Variants in HNF4A observed in about 807,000 individuals in gnomAD.
HNF4A encodes the protein hepatocyte nuclear factor 4-alpha.
In HNF4A, 15 loss-of-function variants were observed where a neutral mutation model predicts 52.4. That is an observed-to-expected ratio of 0.29 (90% CI 0.19 to 0.44). HNF4A has a LOEUF of 0.44. Ranked by LOEUF, HNF4A falls within the 20% of genes least tolerant of loss-of-function variation. The pLI is 1.00. For synonymous variants in HNF4A, 280 were observed against 264.4 expected (o/e 1.06, Z -0.57); for missense variants, 479 against 647.2 (o/e 0.74, Z 2.82).
chr20:44,355,910 C>A, intron 1 of HNF4A, 57 bp downstream of exon 1: 2 of 1,411,112 alleles, frequency 1.4e-6, no homozygotes, highest in Non-Finnish European at 2.0e-6. Context: ...CTTTGGGAGG[C>A]CATGGGACAC....
At position 44,418,527 on chromosome 20, in the gene HNF4A, T is replaced by G; in HGVS notation, c.736+15T>G. 1 of 1,601,860 alleles carries G rather than the reference T, an allele frequency of 6.2e-7. No homozygotes were observed. The highest frequency in any genetic ancestry group is 8.5e-7 in the Non-Finnish European group (1 of 1,172,344). On this transcript the variant is annotated intron_variant, in intron 6 of 9. Transcript: ENST00000316099. ...GCTGCTCCTAGGTGAGGCGGCTGCC[T>G]GCCCTGGCCAGGGCTCCAGGGAGGG... is the stretch of plus-strand genomic sequence containing the variant.
intron 9 of HNF4A, 107 bp downstream of exon 9, chr20:44,428,594 C>T: frequency 8.8e-7 from 1 of 1,140,328 alleles, no homozygotes; most frequent in Non-Finnish European, 1.3e-6. Context: ...CAACAGTTTT[C>T]TGGGTTCCAG....
At chr20:44,362,418 T>TAAAA (rs36103037) in intron 1 of HNF4A, among the ~76,000 whole-genome samples, 1 of 104,176 alleles carries the variant, frequency 9.6e-6, no homozygotes, top group Non-Finnish European at 1.9e-5. Context: ...AAACTTGTCT[T>TAAAA]AAAAAAAAAA....
At chr20:44,424,674 G>A in intron 8 of HNF4A, 1 of 1,246,734 alleles carries the variant, frequency 8.0e-7, no homozygotes. Flanking sequence ...TCTTTAGATA[G>A]GGGAGGCCAC....
chr20:44,403,945 G>T (rs892718059), intron 1 of HNF4A, among the ~76,000 whole-genome samples: 1 of 152,250 alleles, frequency 6.6e-6, no homozygotes, highest in South Asian at 2.1e-4. Flanking sequence ...AGCTCTCCCC[G>T]GGGGTCGGGG....
rs202073574 is a variant in HNF4A at position 44,428,470 on chromosome 20, G to A, written c.1265G>A (p.Arg422Gln). ...AACGGACAGATGTGTGAGTGGCCCC[G>A]ACCCAGGGGACAGGCAGGTGGGCAA... is the stretch of plus-strand genomic sequence containing the variant. Residue 422 changes from arginine to glutamine, a missense_variant, in exon 9 of 10, where the codon CGA becomes CAA. By Grantham distance (43) the Arg-to-Gln change is conservative. Transcript: ENST00000316099. The A allele has an allele frequency of 4.8e-5, 78 of 1,614,070 alleles. No individual in the cohort carries two copies. Among genetic ancestry groups the A allele is most frequent in the Admixed American group, 1.7e-4 (10 of 60,010 alleles).
chr20:44,418,595 G>A lies in HNF4A; in HGVS notation c.736+83G>A. On this transcript the variant is annotated intron_variant, in intron 6 of 9. Transcript: ENST00000316099. ...TCACCCAGGCAAGGAGATTCACATG[G>A]TGGCATGCAAGGGTGAGGGAGACTA... 2.8e-6 allele frequency: 3 copies of A among 1,063,608 alleles called. No individual in the cohort carries two copies. In the East Asian group the frequency reaches 7.1e-5, roughly 25 times the overall value. The allele number at this position is 1,063,608 out of a possible 1,614,324, so 65.9% of individuals were successfully genotyped here.
rs931536968 is a variant in HNF4A, at chr20:44,430,254, A to G, written c.*589A>G. The G allele has an allele frequency of 6.5e-6, 1 of 154,088 alleles. No individual in the cohort carries two copies. The highest frequency in any genetic ancestry group is 2.4e-5 in the African/African-American group (1 of 41,466). 9.5% of individuals were successfully genotyped at this position (154,088 alleles called of 1,614,324 possible). On this transcript the variant is annotated 3_prime_UTR_variant, in exon 10 of 10. Coordinates refer to ENST00000316099, the MANE Select transcript of HNF4A (RefSeq NM_000457.6). ...AAACGATTCCCCCAGTCATTCTGGG[A>G]ACATGTTGTAAGCACTGACTGGGAC...
chr20:44,371,429 C>T (rs2063032779), intron 1 of HNF4A, among the ~76,000 whole-genome samples: 1 of 152,170 alleles, frequency 6.6e-6, no homozygotes, highest in Non-Finnish European at 1.5e-5. Flanking sequence ...AGGCGCGTGC[C>T]ACTACTGCCC....
intron 1 of HNF4A, among the ~76,000 whole-genome samples, chr20:44,379,730 CTTTT>C (rs33924202): frequency 3.7e-5 from 4 of 109,550 alleles, no homozygotes; most frequent in Non-Finnish European, 5.3e-5. Context: ...TTTTCTTTTC[CTTTT>C]TTTTTTTTTT....
chr20:44,363,706 C>CTTTTT lies in HNF4A; in HGVS notation c.49+7871_49+7875dup, dbSNP rs11480026. On this transcript the variant is annotated intron_variant, in intron 1 of 9. Transcript: ENST00000316673. ...TTCTCCTGCTGTTTCTCCATCTACT[C>CTTTTT]TTTTTTTTTTTTTTTTTTTTTTGAG... Among the ~76,000 whole-genome samples, 307 of 107,468 alleles carry CTTTTT rather than the reference C, an allele frequency of 2.9e-3. 3 individuals are homozygous for CTTTTT. The highest frequency in any genetic ancestry group is 9.6e-3 in the African/African-American group (287 of 29,998). 70.5% of individuals were successfully genotyped at this position (107,468 alleles called of 152,430 possible).
chr20:44,429,029 G>A (rs890984034), intron 9 of HNF4A, among the ~76,000 whole-genome samples: 2 of 152,154 alleles, frequency 1.3e-5, no homozygotes, highest in Non-Finnish European at 2.9e-5. Flanking sequence ...GAACAAAGAT[G>A]GCCAATTGGG....
rs2063855044 is a variant in HNF4A at position 44,429,695 on chromosome 20, G to T, written c.*30G>T. The T allele has an allele frequency of 6.2e-7, 1 of 1,612,010 alleles. No homozygotes were observed. The highest frequency in any genetic ancestry group is 8.5e-7 in the Non-Finnish European group (1 of 1,178,338). ...CCGCTGGGGCTTGGGGGCTCCACTG[G>T]CTCCCCCCAGCCCCCTAAGAGAGCA... On this transcript the variant is annotated 3_prime_UTR_variant, in exon 10 of 10. Coordinates refer to ENST00000316099, the MANE Select transcript of HNF4A (RefSeq NM_000457.6).
chr20:44,422,033 A>G (rs2063753594), intron 7 of HNF4A, among the ~76,000 whole-genome samples: 1 of 151,890 alleles, frequency 6.6e-6, no homozygotes, highest in South Asian at 2.1e-4. Flanking sequence ...AATTATTATT[A>G]TCTCCATTTT....
At chr20:44,357,314 C>G (rs2062869169) in intron 1 of HNF4A, among the ~76,000 whole-genome samples, 1 of 152,112 alleles carries the variant, frequency 6.6e-6, no homozygotes, top group African/African-American at 2.4e-5. Flanking sequence ...ACCTATCTCC[C>G]AGAGAGCGGG....
intron 6 of HNF4A, 26 bp from the exon 7 acceptor site, chr20:44,419,695 T>TCCTC (rs2063716845): frequency 6.2e-7 from 1 of 1,609,892 alleles, no homozygotes; most frequent in Non-Finnish European, 8.5e-7. Context: ...TGACTTCCCA[T>TCCTC]CCTCCCTCCC....
At chr20:44,422,809 G>A (rs1168116529) in intron 7 of HNF4A, among the ~76,000 whole-genome samples, 4 of 151,576 alleles carry the variant, frequency 2.6e-5, no homozygotes, top group Non-Finnish European at 5.9e-5. Context: ...CTCCTGAGTC[G>A]CTGGGATTAC....
intron 2 of HNF4A, 32 bp downstream of exon 2, chr20:44,406,264 TG>T: frequency 2.5e-6 from 4 of 1,594,110 alleles, no homozygotes; most frequent in Non-Finnish European, 3.4e-6. Context: ...AGCTGGGAAA[TG>T]GGCACACTTG....
At chr20:44,382,458 C>T (rs1204633796) in intron 1 of HNF4A, among the ~76,000 whole-genome samples, 2 of 152,196 alleles carry the variant, frequency 1.3e-5, no homozygotes, top group East Asian at 1.9e-4. Flanking sequence ...AACATGATCT[C>T]GATCTCTTGA....
Sources: gnomAD v4.1 joint callset for allele counts (sites outside exome capture counted in the v4.1 genomes callset) on GRCh38, gnomAD v4.1.1 for gene constraint, MANE v1.5 for transcripts, NCBI Gene and HGNC (gene_info 2026-07-23, HGNC 2026-07-21) for gene names.